The following ZNF570 variants were observed in gnomAD, a reference collection of about 807,000 sequenced individuals.
ZNF570 encodes the protein zinc finger protein 570.
Under a neutral mutation model 14.2 loss-of-function variants are expected in ZNF570, and 8 were observed. The observed-to-expected ratio is 0.56, with a 90% CI of 0.33 to 1.02. The LOEUF (loss-of-function observed/expected upper bound fraction) is 1.02, where lower values mean the gene tolerates loss of function less well. Among genes scored for constraint, ZNF570 ranks in the 50% least tolerant of loss-of-function variants. The pLI, the probability that ZNF570 is intolerant of heterozygous loss-of-function variation, is 0.03. For missense variants in ZNF570, 559 were observed against 624.9 expected (o/e 0.89, Z 1.12); for synonymous variants, 202 against 207.6 (o/e 0.97, Z 0.23).
intron 4 of ZNF570, among the ~76,000 whole-genome samples, chr19:37,477,815 C>T (rs187361083): frequency 6.6e-6 from 1 of 152,126 alleles, no homozygotes; most frequent in East Asian, 1.9e-4. Flanking sequence ...TTATGGAAAA[C>T]CAAAGGTCCC....
chr19:37,470,658 G>A (rs919589958), intron 2 of ZNF570, among the ~76,000 whole-genome samples: 2 of 148,994 alleles, frequency 1.3e-5, no homozygotes, highest in Admixed American at 1.3e-4. Context: ...AGCAACACTA[G>A]CTTCCTTGTA....
At chr19:37,480,436 A>G (rs1175432985) in intron 4 of ZNF570, among the ~76,000 whole-genome samples, 1 of 152,142 alleles carries the variant, frequency 6.6e-6, no homozygotes, top group Non-Finnish European at 1.5e-5. Context: ...GTGAACCAAG[A>G]TCGTGCCACT....
intron 4 of ZNF570, among the ~76,000 whole-genome samples, chr19:37,481,403 T>C (rs1297501525): frequency 6.6e-6 from 1 of 152,224 alleles, no homozygotes; most frequent in African/African-American, 2.4e-5. Context: ...TCTGCCCGCC[T>C]CAGCCTCCCA....
upstream of ZNF570, chr19:37,469,336 G>C (rs1446881247): frequency 2.8e-5 from 39 of 1,417,490 alleles, no homozygotes; most frequent in East Asian, 5.2e-5. Context: ...GTGTCCTCCG[G>C]GGGCGGAGGC....
At chr19:37,469,601 C>T in intron 1 of ZNF570, 44 bp downstream of exon 1, 3 of 1,521,488 alleles carry the variant, frequency 2.0e-6, no homozygotes, top group Non-Finnish European at 2.6e-6. Flanking sequence ...TGTGCCTGTC[C>T]ACGTCCTGTG....
At chr19:37,468,000 C>T (rs2146993397), upstream of ZNF570, 2 of 1,454,514 alleles carry the variant, frequency 1.4e-6, no homozygotes, top group Non-Finnish European at 1.9e-6. Context: ...GACCGCCTGA[C>T]TTCTAAACAG....
At chr19:37,476,521 C>T (rs745469025) in intron 4 of ZNF570, 87 bp downstream of exon 4, 54 of 1,422,258 alleles carry the variant, frequency 3.8e-5, no homozygotes, top group Non-Finnish European at 4.9e-5. Flanking sequence ...TTCAGGCTTC[C>T]AAATTCTTCT....
intron 4 of ZNF570, among the ~76,000 whole-genome samples, chr19:37,481,239 C>T (rs559389606): frequency 2.6e-4 from 40 of 152,082 alleles, no homozygotes; most frequent in Admixed American, 9.8e-4. Context: ...CCGCAACCTC[C>T]CCAACCCGCG....
chr19:37,470,139 G>A (rs1489790314), intron 1 of ZNF570, 165 bp from the exon 2 acceptor site: 2 of 564,638 alleles, frequency 3.5e-6, no homozygotes, highest in African/African-American at 3.8e-5. Context: ...AAATGATTTA[G>A]GCATCAGTTA....
chr19:37,472,742 CA>C (rs34301870), intron 2 of ZNF570, among the ~76,000 whole-genome samples: 326 of 102,890 alleles, frequency 3.2e-3, no homozygotes, highest in Non-Finnish European at 4.1e-3. Flanking sequence ...AACTTTGTCT[CA>C]AAAAAAAAAA....
chr19:37,471,159 G>A (rs919806528), intron 2 of ZNF570, among the ~76,000 whole-genome samples: 1 of 150,632 alleles, frequency 6.6e-6, no homozygotes, highest in African/African-American at 2.5e-5. Flanking sequence ...GACTACAGGC[G>A]CCCACCACCA....
At chr19:37,483,796 AT>A (rs2042112999) in intron 4 of ZNF570, 82 bp from the exon 5 acceptor site, 1 of 1,395,934 alleles carries the variant, frequency 7.2e-7, no homozygotes, top group African/African-American at 1.4e-5. Flanking sequence ...TAATTCACAT[AT>A]TTTACTTTAC....
chr19:37,481,065 C>A (rs910826085), intron 4 of ZNF570, among the ~76,000 whole-genome samples: 1 of 151,806 alleles, frequency 6.6e-6, no homozygotes, highest in African/African-American at 2.4e-5. Flanking sequence ...CTATTCATAT[C>A]AACTTTTATT....
At chr19:37,481,264 C>T (rs2042084930) in intron 4 of ZNF570, among the ~76,000 whole-genome samples, 1 of 152,054 alleles carries the variant, frequency 6.6e-6, no homozygotes, top group Non-Finnish European at 1.5e-5. Context: ...AGCAATTCTC[C>T]TGCCTCAGCC....
At chr19:37,468,127 C>A, upstream of ZNF570, 1 of 618,414 alleles carries the variant, frequency 1.6e-6, no homozygotes, top group Non-Finnish European at 2.8e-6. Flanking sequence ...CTTTGTTGCC[C>A]AGGCTGGAGA....
chr19:37,476,948 T>A (rs924380480), intron 4 of ZNF570, among the ~76,000 whole-genome samples: 10 of 152,090 alleles, frequency 6.6e-5, no homozygotes, highest in African/African-American at 2.4e-4. Flanking sequence ...TCACGTGATC[T>A]GCCTGCCTCA....
upstream of ZNF570, chr19:37,469,254 A>C (rs897297539): frequency 5.0e-6 from 7 of 1,390,142 alleles, no homozygotes; most frequent in East Asian, 1.1e-4. Flanking sequence ...AGACACTGCG[A>C]CGCCGCGACC....
At chr19:37,476,455 C>A in intron 4 of ZNF570, 21 bp downstream of exon 4, 1 of 1,607,724 alleles carries the variant, frequency 6.2e-7, no homozygotes, top group Non-Finnish European at 8.5e-7. Context: ...AGGAAATTGG[C>A]AAAAATCTTT....
intron 4 of ZNF570, among the ~76,000 whole-genome samples, chr19:37,482,024 T>G (rs1017413442): frequency 6.6e-6 from 1 of 152,250 alleles, no homozygotes; most frequent in African/African-American, 2.4e-5. Flanking sequence ...AGTGGAATCA[T>G]ACAGTATTTG....
Sources: gnomAD v4.1 joint callset for allele counts (sites outside exome capture counted in the v4.1 genomes callset) on GRCh38, gnomAD v4.1.1 for gene constraint, MANE v1.5 for transcripts, NCBI Gene and HGNC (gene_info 2026-07-23, HGNC 2026-07-21) for gene names.